SLC9A9: variants seen among roughly 807,000 people sequenced by gnomAD.
The protein encoded by SLC9A9 is sodium/hydrogen exchanger 9.
SLC9A9 carries 62 observed loss-of-function variants against 77.8 expected under a neutral mutation model. The observed-to-expected ratio is 0.80, with a 90% CI of 0.65 to 0.98. The LOEUF (loss-of-function observed/expected upper bound fraction) is 0.98, where lower values mean the gene tolerates loss of function less well. Ranked by LOEUF, SLC9A9 falls within the 50% of genes least tolerant of loss-of-function variation. The pLI, the probability that SLC9A9 is intolerant of heterozygous loss-of-function variation, is 0.00. For synonymous variants in SLC9A9, 320 were observed against 283.5 expected, an observed-to-expected ratio of 1.13 and a Z score of -1.29; for missense variants, 775 against 774.9, an observed-to-expected ratio of 1.00 and a Z score of 0.00.
intron 11 of SLC9A9, among the ~76,000 whole-genome samples, chr3:143,490,130 A>C (rs898226490): frequency 6.6e-6 from 1 of 152,080 alleles, no homozygotes; most frequent in African/African-American, 2.4e-5. Context: ...AAAACATTCA[A>C]AATAGAATTA....
intron 9 of SLC9A9, among the ~76,000 whole-genome samples, chr3:143,539,773 C>T (rs866228462): frequency 6.6e-6 from 1 of 152,006 alleles, no homozygotes; most frequent in African/African-American, 2.4e-5. Context: ...TAAAATTTTC[C>T]ATTATGCATT....
At chr3:143,482,442 T>C (rs1416782944) in intron 11 of SLC9A9, among the ~76,000 whole-genome samples, 1 of 152,190 alleles carries the variant, frequency 6.6e-6, no homozygotes, top group African/African-American at 2.4e-5. Flanking sequence ...CATATTGGGG[T>C]TTCAATGCCT....
chr3:143,753,265 G>GA (rs201925699), intron 4 of SLC9A9, among the ~76,000 whole-genome samples: 16 of 151,066 alleles, frequency 1.1e-4, no homozygotes, highest in East Asian at 9.7e-4. Flanking sequence ...TGGCCTGCAT[G>GA]AAAAAAAAAG....
intron 9 of SLC9A9, chr3:143,518,284 C>A (rs566767099): frequency 7.6e-7 from 1 of 1,308,822 alleles, no homozygotes; most frequent in Non-Finnish European, 1.1e-6. Context: ...CAGGCCCAGG[C>A]GCTGGCTCAG....
At chr3:143,568,819 A>G (rs1177216675) in intron 8 of SLC9A9, among the ~76,000 whole-genome samples, 1 of 152,124 alleles carries the variant, frequency 6.6e-6, no homozygotes, top group Admixed American at 6.6e-5. Context: ...CATCAGCTCT[A>G]ATTTTGTACT....
At chr3:143,330,941 G>A (rs1410213675) in intron 14 of SLC9A9, among the ~76,000 whole-genome samples, 2 of 152,140 alleles carry the variant, frequency 1.3e-5, no homozygotes, top group African/African-American at 2.4e-5. Flanking sequence ...CTGTAGTGAC[G>A]CTGATTTAAA....
chr3:143,463,201 C>A (rs1393795112), intron 12 of SLC9A9, among the ~76,000 whole-genome samples: 1 of 152,164 alleles, frequency 6.6e-6, no homozygotes, highest in Admixed American at 6.5e-5. Flanking sequence ...GCATTCAAGG[C>A]CTTCCACACT....
intron 6 of SLC9A9, among the ~76,000 whole-genome samples, chr3:143,645,759 T>G (rs1020389133): frequency 1.3e-5 from 2 of 152,104 alleles, no homozygotes; most frequent in African/African-American, 4.8e-5. Flanking sequence ...AAAGACAAAA[T>G]TGGTGCTCCA....
intron 4 of SLC9A9, among the ~76,000 whole-genome samples, chr3:143,781,613 G>T (rs1474348478): frequency 6.6e-6 from 1 of 152,170 alleles, no homozygotes; most frequent in Non-Finnish European, 1.5e-5. Context: ...AATTCACATA[G>T]GTGTTGAAAT....
At chr3:143,415,525 A>G (rs1274917797) in intron 12 of SLC9A9, among the ~76,000 whole-genome samples, 2 of 152,228 alleles carry the variant, frequency 1.3e-5, no homozygotes, top group Non-Finnish European at 2.9e-5. Flanking sequence ...ATGGAACAAC[A>G]AAGCCTGATG....
chr3:143,693,172 T>G lies in SLC9A9; in HGVS notation c.649+20A>C. On this transcript the variant is annotated intron_variant, in intron 5 of 15. Coordinates refer to ENST00000316549, the MANE Select transcript of SLC9A9 (RefSeq NM_173653.4). ...ATGTTTGATTCTTAAAAGAAGAAAATATATTATTTGAGCAATTACCTGGAT... is the reference window on the plus strand; with the variant it reads ...ATGTTTGATTCTTAAAAGAAGAAAAGATATTATTTGAGCAATTACCTGGAT... 6.4e-7 allele frequency: 1 copy of G among 1,558,990 alleles called. No individual in the cohort carries two copies. Among genetic ancestry groups the G allele is most frequent in the Non-Finnish European group, 8.8e-7 (1 of 1,131,070 alleles).
At chr3:143,780,658 GATGCTAA>G (rs2007843312) in intron 4 of SLC9A9, among the ~76,000 whole-genome samples, 2 of 152,210 alleles carry the variant, frequency 1.3e-5, no homozygotes, top group African/African-American at 4.8e-5. Context: ...GCCACCATAT[GATGCTAA>G]TCAGAGGGAA....
At chr3:143,760,526 T>A (rs577650951) in intron 4 of SLC9A9, among the ~76,000 whole-genome samples, 2 of 152,188 alleles carry the variant, frequency 1.3e-5, no homozygotes, top group Non-Finnish European at 2.9e-5. Context: ...TGTGCAAAAA[T>A]CACAAGCATT....
chr3:143,482,230 A>G (rs1049530221), intron 11 of SLC9A9, among the ~76,000 whole-genome samples: 2 of 152,182 alleles, frequency 1.3e-5, no homozygotes, highest in African/African-American at 4.8e-5. Flanking sequence ...CTTTTTCTTA[A>G]TCCTTTGGTG....
At chr3:143,520,539 T>A (rs1421490763) in intron 9 of SLC9A9, among the ~76,000 whole-genome samples, 1 of 152,244 alleles carries the variant, frequency 6.6e-6, no homozygotes, top group Non-Finnish European at 1.5e-5. Flanking sequence ...AGTTAACAAA[T>A]AGATCTTATA....
chr3:143,366,375 G>C (rs2032902032), intron 13 of SLC9A9, among the ~76,000 whole-genome samples: 1 of 152,216 alleles, frequency 6.6e-6, no homozygotes, highest in African/African-American at 2.4e-5. Context: ...TGAGTTCAAA[G>C]TCACACCACT....
chr3:143,486,394 T>C (rs78245139), intron 11 of SLC9A9, among the ~76,000 whole-genome samples: 11,651 of 152,166 alleles, frequency 0.077, 643 homozygotes, highest in South Asian at 0.21. Flanking sequence ...GGTAAATCCA[T>C]GGACAATTAA....
intron 11 of SLC9A9, among the ~76,000 whole-genome samples, chr3:143,483,474 T>C (rs763623569): frequency 3.3e-5 from 5 of 152,232 alleles, no homozygotes; most frequent in Non-Finnish European, 5.9e-5. Context: ...TTTCTTAAAC[T>C]GTCACCTCCA....
intron 6 of SLC9A9, among the ~76,000 whole-genome samples, chr3:143,647,911 G>A (rs1031612164): frequency 5.9e-5 from 9 of 152,034 alleles, no homozygotes; most frequent in Non-Finnish European, 1.0e-4. Flanking sequence ...AGGAAATCAC[G>A]TGTAAAAATG....
Sources: gnomAD v4.1 joint callset for allele counts (sites outside exome capture counted in the v4.1 genomes callset) on GRCh38, gnomAD v4.1.1 for gene constraint, MANE v1.5 for transcripts, NCBI Gene and HGNC (gene_info 2026-07-23, HGNC 2026-07-21) for gene names.